The following VSTM4 variants were observed in gnomAD, a reference collection of about 807,000 sequenced individuals.
The protein encoded by VSTM4 is V-set and transmembrane domain containing 4.
VSTM4 carries 20 observed loss-of-function variants against 36.4 expected under a neutral mutation model. The ratio of observed to expected loss-of-function variants is 0.55; its 90% CI spans 0.39 to 0.80. The LOEUF (loss-of-function observed/expected upper bound fraction) is 0.80, where lower values mean the gene tolerates loss of function less well. Ranked by LOEUF, VSTM4 falls within the 30% of genes least tolerant of loss-of-function variation. The probability of loss-of-function intolerance (pLI) is 0.00; values close to 1 mark genes in which losing one functional copy is unlikely to be tolerated. For missense variants in VSTM4, 392 were observed against 404.5 expected (o/e 0.97, Z 0.26); for synonymous variants, 182 against 173.9 (o/e 1.05, Z -0.37).
chr10:49,094,246 C>T (rs899294739), intron 2 of VSTM4, among the ~76,000 whole-genome samples: 2 of 152,182 alleles, frequency 1.3e-5, no homozygotes, highest in African/African-American at 4.8e-5. Context: ...GCTGCAGAGG[C>T]TAACTTCTCC....
At chr10:49,070,252 C>CA (rs780515012) in intron 4 of VSTM4, among the ~76,000 whole-genome samples, 826 of 21,622 alleles carry the variant, frequency 0.038, 236 homozygotes, top group Non-Finnish European at 0.051. Flanking sequence ...GACTCCGTCT[C>CA]AAAAAAAAAA....
chr10:49,055,276 A>C (rs1405117085), intron 5 of VSTM4, among the ~76,000 whole-genome samples: 2 of 152,196 alleles, frequency 1.3e-5, no homozygotes, highest in African/African-American at 4.8e-5. Flanking sequence ...TACTTCCAGA[A>C]ACGTCCATGT....
At chr10:49,045,120 G>C (rs1843587014) in intron 7 of VSTM4, among the ~76,000 whole-genome samples, 1 of 151,890 alleles carries the variant, frequency 6.6e-6, no homozygotes, top group Non-Finnish European at 1.5e-5. Context: ...GTCGAGAATT[G>C]GCATATAAAT....
At chr10:49,111,397 G>A (rs894834332) in intron 1 of VSTM4, among the ~76,000 whole-genome samples, 1 of 152,116 alleles carries the variant, frequency 6.6e-6, no homozygotes, top group Non-Finnish European at 1.5e-5. Context: ...CAGGGCCCCC[G>A]GGAGCCCAGG....
chr10:49,069,792 C>T (rs192310197), intron 4 of VSTM4, among the ~76,000 whole-genome samples: 2 of 152,298 alleles, frequency 1.3e-5, no homozygotes, highest in African/African-American at 4.8e-5. Flanking sequence ...CCACATTTCT[C>T]ACATGCAAAG....
In VSTM4 at chr10:49,057,835, A is replaced by T. The variant is rs957390942; in HGVS notation, c.668+6868T>A. The stretch of plus-strand genomic sequence containing the variant: ...TGCATGTGAGTTAAAATCCAAGCAA[A>T]CAACAGTGAGAAATGGCTGGGGCAC... On this transcript the variant is annotated intron_variant, in intron 5 of 7. Transcript: ENST00000332853. Among the ~76,000 whole-genome samples, 4 of 152,158 alleles carry T rather than the reference A, an allele frequency of 2.6e-5. No individual in the cohort carries two copies. In the East Asian group the frequency reaches 7.7e-4, roughly 29 times the overall value.
intron 7 of VSTM4, among the ~76,000 whole-genome samples, chr10:49,033,036 A>G (rs1843371470): frequency 6.6e-6 from 1 of 152,060 alleles, no homozygotes; most frequent in Non-Finnish European, 1.5e-5. Flanking sequence ...ATACTTTCAC[A>G]TAACGATCCC....
chr10:49,076,030 C>A (rs1844171789), intron 4 of VSTM4, among the ~76,000 whole-genome samples: 1 of 152,180 alleles, frequency 6.6e-6, no homozygotes, highest in South Asian at 2.1e-4. Flanking sequence ...AACCTCCCCT[C>A]TCCTTGTCCC....
chr10:49,040,334 G>C (rs549214106), intron 7 of VSTM4, among the ~76,000 whole-genome samples: 29 of 152,276 alleles, frequency 1.9e-4, no homozygotes, highest in Admixed American at 1.3e-3. Context: ...CTAGGCTGTA[G>C]TGCAGTGGTG....
intron 2 of VSTM4, among the ~76,000 whole-genome samples, chr10:49,097,317 G>A (rs528744271): frequency 6.6e-6 from 1 of 152,286 alleles, no homozygotes; most frequent in Non-Finnish European, 1.5e-5. Flanking sequence ...CAAGTCTACA[G>A]AATCTGTGCT....
rs1564561635 is a variant in VSTM4, at chr10:49,018,261, C to T, written c.*1389G>A. ...ACTGGCTTTAGCATGAATGTCAACACAGAGCATTTGTGTAGCAATTTACAG... is the reference window on the plus strand; with the variant it reads ...ACTGGCTTTAGCATGAATGTCAACATAGAGCATTTGTGTAGCAATTTACAG... On this transcript the variant is annotated 3_prime_UTR_variant, in exon 8 of 8. Coordinates refer to ENST00000332853, the MANE Select transcript of VSTM4 (RefSeq NM_001031746.5). 1 of 152,214 alleles carries T rather than the reference C, an allele frequency of 6.6e-6. No individual in the cohort carries two copies. The highest frequency in any genetic ancestry group is 2.4e-5 in the African/African-American group (1 of 41,452). The allele number at this position is 152,214 out of a possible 1,614,324, so 9.4% of individuals were successfully genotyped here.
intron 2 of VSTM4, among the ~76,000 whole-genome samples, chr10:49,090,062 T>C (rs966188605): frequency 6.6e-6 from 1 of 152,242 alleles, no homozygotes; most frequent in Non-Finnish European, 1.5e-5. Flanking sequence ...GAGGATGGAA[T>C]GCTTTGAGAA....
intron 3 of VSTM4, among the ~76,000 whole-genome samples, chr10:49,079,297 G>A (rs1844236874): frequency 6.6e-6 from 1 of 151,034 alleles, no homozygotes; most frequent in African/African-American, 2.4e-5. Context: ...TTGAACTCCT[G>A]GGCTCAGGAG....
At chr10:49,026,087 T>C (rs1205926155) in intron 7 of VSTM4, among the ~76,000 whole-genome samples, 1 of 152,158 alleles carries the variant, frequency 6.6e-6, no homozygotes, top group Non-Finnish European at 1.5e-5. Flanking sequence ...GTCTGCGTGC[T>C]CGGACTTCCC....
intron 7 of VSTM4, among the ~76,000 whole-genome samples, chr10:49,040,537 C>T (rs1003051081): frequency 1.3e-5 from 2 of 152,148 alleles, no homozygotes; most frequent in South Asian, 2.1e-4. Flanking sequence ...CAGCCTGCCT[C>T]GGCCTCCCAA....
At chr10:49,022,173 AT>A (rs1233456311) in intron 7 of VSTM4, among the ~76,000 whole-genome samples, 1 of 152,210 alleles carries the variant, frequency 6.6e-6, no homozygotes, top group Non-Finnish European at 1.5e-5. Context: ...AATTAAAAAA[AT>A]AAAAGTTGGT....
intron 3 of VSTM4, among the ~76,000 whole-genome samples, chr10:49,083,352 G>A (rs1844313122): frequency 6.6e-6 from 1 of 152,150 alleles, no homozygotes; most frequent in Non-Finnish European, 1.5e-5. Flanking sequence ...GATGAACTAA[G>A]CCCCAGGAGG....
intron 5 of VSTM4, among the ~76,000 whole-genome samples, chr10:49,062,266 A>T (rs949282471): frequency 6.6e-6 from 1 of 152,170 alleles, no homozygotes; most frequent in African/African-American, 2.4e-5. Flanking sequence ...ATGTACTCCT[A>T]TTTCTGCTCT....
At chr10:49,024,751 C>T (rs915223383) in intron 7 of VSTM4, among the ~76,000 whole-genome samples, 3 of 152,150 alleles carry the variant, frequency 2.0e-5, no homozygotes, top group Admixed American at 6.5e-5. Context: ...TAAAATAGCA[C>T]GCATATGTGC....
Sources: gnomAD v4.1 joint callset for allele counts (sites outside exome capture counted in the v4.1 genomes callset) on GRCh38, gnomAD v4.1.1 for gene constraint, MANE v1.5 for transcripts, NCBI Gene and HGNC (gene_info 2026-07-23, HGNC 2026-07-21) for gene names.